HECTD4: variants seen among roughly 807,000 people sequenced by gnomAD.
HECTD4 encodes the protein HECT domain E3 ubiquitin protein ligase 4.
In HECTD4, 114 loss-of-function variants were observed where a neutral mutation model predicts 471.5. That is an observed-to-expected ratio of 0.24 (90% confidence interval 0.21 to 0.28). The LOEUF (loss-of-function observed/expected upper bound fraction) is 0.28. Ranked by LOEUF, HECTD4 falls within the 10% of genes least tolerant of loss-of-function variation. The pLI is 1.00. For synonymous variants in HECTD4, 2,012 were observed against 2,256.0 expected (o/e 0.89, Z 3.07); for missense variants, 3,866 against 5,651.5 (o/e 0.68, Z 10.13).
chr12:112,296,876 A>AGGTGGAGGTGCAGTG (rs2035038007), intron 7 of HECTD4, among the ~76,000 whole-genome samples: 2 of 40,794 alleles, frequency 4.9e-5, no homozygotes, highest in African/African-American at 2.0e-4. Context: ...TAGGTGCAGA[A>AGGTGGAGGTGCAGTG]GGTGGAGGTG....
rs376899159 is a variant in HECTD4, at chr12:112,258,532, G to A, written c.3092C>T (p.Ala1031Val). The A allele has an allele frequency of 2.5e-6, 4 of 1,604,452 alleles. No homozygotes were observed. Among genetic ancestry groups the A allele is most frequent in the Non-Finnish European group, 3.4e-6 (4 of 1,176,108 alleles). The change falls in exon 20 of 76, where the codon GCA (alanine) becomes GTA (valine). Residue 1031 changes from alanine (A) to valine (V), a missense_variant. Coordinates refer to ENST00000682272, the MANE Select transcript of HECTD4 (RefSeq NM_001388303.1). Reference sequence around the variant, plus strand: ...GAACAGCCTGCACTTCTGGTCTGGTGCACCACACGGGGAACAGCCCACCTC... The same window carrying A: ...GAACAGCCTGCACTTCTGGTCTGGTACACCACACGGGGAACAGCCCACCTC... ...FAEVGCSPCGAPDQKCRLFPD... is the reference protein window; with the variant it reads ...FAEVGCSPCGVPDQKCRLFPD...
chr12:112,175,133 C>T (rs575881871), intron 66 of HECTD4, among the ~76,000 whole-genome samples: 1 of 152,336 alleles, frequency 6.6e-6, no homozygotes, highest in East Asian at 1.9e-4. Flanking sequence ...GGGTAAGAAA[C>T]TGTTATGGGA....
At chr12:112,246,599 C>A (rs1215160893) in intron 29 of HECTD4, among the ~76,000 whole-genome samples, 2 of 152,096 alleles carry the variant, frequency 1.3e-5, no homozygotes, top group Non-Finnish European at 2.9e-5. Context: ...TGCGCCACTG[C>A]ACTCTAGTCT....
intron 11 of HECTD4, among the ~76,000 whole-genome samples, chr12:112,271,495 G>C (rs978503377): frequency 2.0e-5 from 3 of 152,226 alleles, no homozygotes; most frequent in African/African-American, 7.2e-5. Context: ...GAAGTAATGT[G>C]AAGGGGATAC....
Position 112,270,432 on chromosome 12 carries a change from A to G in HECTD4, c.1970T>C (p.Ile657Thr). 6.2e-7 allele frequency: 1 copy of G among 1,614,048 alleles called. No homozygotes were observed. The highest frequency in any genetic ancestry group is 8.5e-7 in the Non-Finnish European group (1 of 1,179,892). The change falls in exon 12 of 76, where the codon ATA becomes ACA. Residue 657 changes from isoleucine to threonine, a missense_variant. Coordinates refer to ENST00000682272, the MANE Select transcript of HECTD4 (RefSeq NM_001388303.1). The stretch of plus-strand genomic sequence containing the variant: ...ACCAACGTGGTGCAATAATTGGTTT[A>G]TAACCTCATTCGTGGTTATAGCCTC... The part of the protein sequence containing the change: ...KEEAITTNEV[I>T]NQLLHHVGAM...
intron 43 of HECTD4, 145 bp downstream of exon 43, chr12:112,227,943 TA>T: frequency 1.5e-6 from 1 of 689,484 alleles, no homozygotes; most frequent in Non-Finnish European, 2.3e-6. Context: ...GTAAAAACTG[TA>T]AAAGAATGGT....
intron 7 of HECTD4, among the ~76,000 whole-genome samples, chr12:112,291,214 G>C (rs973553901): frequency 2.0e-5 from 3 of 151,840 alleles, no homozygotes; most frequent in Non-Finnish European, 4.4e-5. Context: ...AAAAGAACTA[G>C]TAATATCCGC....
chr12:112,318,219 C>T (rs2035522212), intron 2 of HECTD4, among the ~76,000 whole-genome samples: 1 of 151,782 alleles, frequency 6.6e-6, no homozygotes, highest in African/African-American at 2.4e-5. Context: ...GAGCCAAGAT[C>T]ATGCCACTGC....
chr12:112,162,151 T>C lies in HECTD4; in HGVS notation c.*236A>G. 2.0e-6 allele frequency: 1 copy of C among 500,366 alleles called. No homozygotes were observed. The allele number at this position is 500,366 out of a possible 1,614,324, so 31.0% of individuals were successfully genotyped here. A position where few individuals can be genotyped will look rare whatever the true frequency, so the allele number is the denominator to read the frequency against. On this transcript the variant is annotated 3_prime_UTR_variant, in exon 76 of 76. Coordinates refer to ENST00000682272, the MANE Select transcript of HECTD4 (RefSeq NM_001388303.1). This position sits in a 1 kb window ranked among gnomAD's most constrained non-coding sequence, Gnocchi z 5.2. ...AATTAGACACAAACTGTCTGGGAACTAAACTATCCTACAAATAGACCACAA... is the reference window on the plus strand; with the variant it reads ...AATTAGACACAAACTGTCTGGGAACCAAACTATCCTACAAATAGACCACAA...
intron 13 of HECTD4, among the ~76,000 whole-genome samples, chr12:112,268,897 C>T (rs190594662): frequency 0.025 from 1,403 of 56,810 alleles, 41 homozygotes; most frequent in Admixed American, 0.13. Flanking sequence ...TTTTTTGAGG[C>T]GGAGTTTCGC....
chr12:112,252,756 C>T (rs758100562), intron 22 of HECTD4, among the ~76,000 whole-genome samples: 4 of 152,070 alleles, frequency 2.6e-5, no homozygotes, highest in African/African-American at 4.8e-5. Flanking sequence ...GTGAAATGGG[C>T]CACAGTTGCC....
chr12:112,226,273 T>C (rs1301641309), intron 44 of HECTD4, among the ~76,000 whole-genome samples: 1 of 152,078 alleles, frequency 6.6e-6, no homozygotes, highest in Admixed American at 6.6e-5. Context: ...GTGCAAACTC[T>C]TGACTGGGAA....
rs991190268 is a variant in HECTD4, at chr12:112,201,011, A to G, written c.8407-213T>C. The G allele has an allele frequency of 1.7e-5, 10 of 593,348 alleles. No homozygotes were observed. In the African/African-American group the frequency reaches 1.9e-4, roughly 11 times the overall value. The allele number at this position is 593,348 out of a possible 1,614,324, so 36.8% of individuals were successfully genotyped here. A position where few individuals can be genotyped will look rare whatever the true frequency, so the allele number is the denominator to read the frequency against. On this transcript the variant is annotated intron_variant, in intron 54 of 75. Transcript: ENST00000682272. ...ACAATACATTTTTGAAACACATATT[A>G]TAAGTAATCTTATTACTATATAAAC...
intron 19 of HECTD4, 42 bp downstream of exon 19, chr12:112,259,070 T>C: frequency 6.5e-7 from 1 of 1,547,556 alleles, no homozygotes; most frequent in East Asian, 2.4e-5. Context: ...GTGAAGCAGG[T>C]TGGCCAAAAA....
chr12:112,304,282 T>A (rs1341323773), intron 7 of HECTD4, among the ~76,000 whole-genome samples: 1 of 145,532 alleles, frequency 6.9e-6, no homozygotes, highest in Non-Finnish European at 1.5e-5. Flanking sequence ...TCTGTCTCTG[T>A]CACTCAGGCT....
intron 7 of HECTD4, among the ~76,000 whole-genome samples, chr12:112,297,804 G>T (rs1437749768): frequency 2.0e-5 from 3 of 152,140 alleles, no homozygotes; most frequent in African/African-American, 4.8e-5. Flanking sequence ...GGTTTTGGCT[G>T]AGAAGAAAAT....
chr12:112,274,183 AC>A (rs1388074986), intron 10 of HECTD4, among the ~76,000 whole-genome samples: 1 of 152,198 alleles, frequency 6.6e-6, no homozygotes, highest in Non-Finnish European at 1.5e-5. Context: ...GCTTCCTACC[AC>A]CCACGGCAAA....
Position 112,310,113 on chromosome 12 carries a change from G to A in HECTD4, c.917-444C>T, listed in dbSNP as rs376254956. Among the ~76,000 whole-genome samples, 41 of 152,226 alleles carry A rather than the reference G, an allele frequency of 2.7e-4. 1 individual carries two copies. In the East Asian group the frequency reaches 7.5e-3, roughly 28 times the overall value. On this transcript the variant is annotated intron_variant, in intron 4 of 75. Coordinates refer to ENST00000682272, the MANE Select transcript of HECTD4 (RefSeq NM_001388303.1). ...TAAGTGACCCTGAACCTCTTTGAAC[G>A]TCAGTTTCTTCATCTGTAAGATGAG...
intron 8 of HECTD4, among the ~76,000 whole-genome samples, chr12:112,280,175 T>G (rs1463855747): frequency 6.6e-6 from 1 of 152,194 alleles, no homozygotes; most frequent in Non-Finnish European, 1.5e-5. Flanking sequence ...TTTCACAATA[T>G]CTATCACAAA....
Sources: gnomAD v4.1 joint callset for allele counts (sites outside exome capture counted in the v4.1 genomes callset) on GRCh38, gnomAD v4.1.1 for gene constraint, Gnocchi (gnomAD v3.1) non-coding constraint, MANE v1.5 for transcripts, NCBI Gene and HGNC (gene_info 2026-07-23, HGNC 2026-07-21) for gene names.